The following CDH13 variants were observed in gnomAD, a reference collection of about 807,000 sequenced individuals.
CDH13 encodes the protein cadherin 13.
A neutral mutation model predicts 63.8 loss-of-function variants in CDH13; 24 were observed. That is an observed-to-expected ratio of 0.38 (90% CI 0.27 to 0.53). The LOEUF is 0.53. Ranked by LOEUF, CDH13 falls within the 20% of genes least tolerant of loss-of-function variation. The probability of loss-of-function intolerance (pLI) is 0.85; values close to 1 mark genes in which losing one functional copy is unlikely to be tolerated. For missense variants in CDH13, 1,049 were observed against 903.1 expected (o/e 1.16, Z -2.07); for synonymous variants, 503 against 355.3 (o/e 1.42, Z -4.67).
At chr16:82,737,807 T>A (rs932962253) in intron 1 of CDH13, among the ~76,000 whole-genome samples, 1 of 152,220 alleles carries the variant, frequency 6.6e-6, no homozygotes, top group Admixed American at 6.5e-5. Context: ...TACTGAGGTA[T>A]AATTGACCTA....
intron 1 of CDH13, among the ~76,000 whole-genome samples, chr16:82,806,225 C>T (rs1202842851): frequency 1.3e-5 from 2 of 152,156 alleles, no homozygotes; most frequent in Admixed American, 1.3e-4. Context: ...GAAGACATGC[C>T]CTTGTCCCTT....
chr16:83,181,214 A>C (rs2038339921), intron 4 of CDH13: 1 of 430,838 alleles, frequency 2.3e-6, no homozygotes, highest in Non-Finnish European at 4.1e-6. Context: ...ATTTAGTATT[A>C]GGGGACTTAA....
At chr16:83,041,937 G>C (rs1917363412) in intron 3 of CDH13, among the ~76,000 whole-genome samples, 1 of 152,168 alleles carries the variant, frequency 6.6e-6, no homozygotes, top group Admixed American at 6.5e-5. Flanking sequence ...GAAGTAGCCA[G>C]TAAGTTGCTA....
chr16:83,489,842 G>C (rs2073970144), intron 7 of CDH13, among the ~76,000 whole-genome samples: 1 of 152,130 alleles, frequency 6.6e-6, no homozygotes, highest in Non-Finnish European at 1.5e-5. Flanking sequence ...ATTTAAGAAA[G>C]TATCCCATTT....
intron 4 of CDH13, among the ~76,000 whole-genome samples, chr16:83,127,456 A>G (rs1340969455): frequency 2.0e-5 from 3 of 152,194 alleles, no homozygotes; most frequent in East Asian, 1.9e-4. Context: ...TTGGACGGGC[A>G]TGGTGGTTCA....
intron 1 of CDH13, among the ~76,000 whole-genome samples, chr16:82,761,051 T>G (rs1432397933): frequency 7.5e-6 from 1 of 132,532 alleles, no homozygotes; most frequent in Non-Finnish European, 1.6e-5. Context: ...TTTTTTGGAG[T>G]CTCACTCTGT....
At chr16:82,770,822 C>T (rs1027896709) in intron 1 of CDH13, among the ~76,000 whole-genome samples, 8 of 152,162 alleles carry the variant, frequency 5.3e-5, no homozygotes, top group African/African-American at 1.9e-4. Flanking sequence ...ATTCGCCTGC[C>T]TCAGCCTCCC....
At position 82,910,099 on chromosome 16, in the gene CDH13, C is replaced by T. The variant is rs539203292; in HGVS notation, c.157+51626C>T. Among the ~76,000 whole-genome samples, 28 of 152,308 alleles carry T rather than the reference C, an allele frequency of 1.8e-4. No homozygotes were observed. In the East Asian group the frequency reaches 3.9e-3, roughly 21 times the overall value. On this transcript the variant is annotated intron_variant, in intron 2 of 13. Transcript: ENST00000567109. ...GTGTTCAATTCTCCACCCCTCTTTACGCATCCCATCAAATGCCGATGTCTG... is the reference window on the plus strand; with the variant it reads ...GTGTTCAATTCTCCACCCCTCTTTATGCATCCCATCAAATGCCGATGTCTG...
rs555548476 is a variant in CDH13 at position 82,837,272 on chromosome 16, T to TG, written c.46-21086dup. The stretch of plus-strand genomic sequence containing the variant: ...GTCTGTAAAATAGTGGTGGTGAGCA[T>TG]GGGGAGAGCTTGCCTACCTCAGAGG... On this transcript the variant is annotated intron_variant, in intron 1 of 13. Coordinates refer to ENST00000567109, the MANE Select transcript of CDH13 (RefSeq NM_001257.5). 3.4e-4 allele frequency among the ~76,000 whole-genome samples: 51 copies of TG among 152,238 alleles called. No homozygotes were observed. The Middle Eastern group carries it at 0.017, about 51-fold the overall frequency.
At chr16:83,732,748 A>T (rs1911162525) in intron 10 of CDH13, among the ~76,000 whole-genome samples, 1 of 152,222 alleles carries the variant, frequency 6.6e-6, no homozygotes, top group Non-Finnish European at 1.5e-5. Flanking sequence ...GACACCCCTG[A>T]CCTCACCAGG....
chr16:82,649,697 A>G (rs947437953), intron 1 of CDH13, among the ~76,000 whole-genome samples: 1 of 152,140 alleles, frequency 6.6e-6, no homozygotes, highest in Non-Finnish European at 1.5e-5. Context: ...GAGAAAAATG[A>G]TGGGGAAGGG....
At chr16:82,797,127 T>C (rs1318905180) in intron 1 of CDH13, among the ~76,000 whole-genome samples, 3 of 152,236 alleles carry the variant, frequency 2.0e-5, no homozygotes, top group Non-Finnish European at 4.4e-5. Flanking sequence ...AATGAGGTTC[T>C]AGTTTTTATA....
intron 6 of CDH13, among the ~76,000 whole-genome samples, chr16:83,473,970 G>A (rs1400446764): frequency 6.6e-6 from 1 of 152,098 alleles, no homozygotes; most frequent in Non-Finnish European, 1.5e-5. Context: ...CCTCATAAAG[G>A]TTAGCTCCCC....
At chr16:82,938,396 G>T (rs1290615755) in intron 2 of CDH13, among the ~76,000 whole-genome samples, 1 of 152,214 alleles carries the variant, frequency 6.6e-6, no homozygotes, top group African/African-American at 2.4e-5. Flanking sequence ...TTTTAGATTA[G>T]CCCTCTCAAA....
chr16:83,209,547 G>A (rs369785712), intron 4 of CDH13, among the ~76,000 whole-genome samples: 2 of 152,204 alleles, frequency 1.3e-5, no homozygotes, highest in South Asian at 2.1e-4. Context: ...AGGTTTGTAT[G>A]ACAGACCTTA....
At chr16:82,858,078 C>T (rs764223530) in intron 1 of CDH13, among the ~76,000 whole-genome samples, 11 of 152,184 alleles carry the variant, frequency 7.2e-5, no homozygotes, top group Non-Finnish European at 1.0e-4. Context: ...AAATTTCACA[C>T]ATGGAAACCA....
In CDH13 at chr16:83,444,322, A is replaced by G. The variant is rs375525210; in HGVS notation, c.782-42155A>G. ...AGCACTTAAGCCCTGAGTGTTCATT[A>G]TCTTATTTAATCTTCAGCACCATCA... On this transcript the variant is annotated intron_variant, in intron 6 of 13. Transcript: ENST00000567109. Among the ~76,000 whole-genome samples, 6 of 152,178 alleles carry G rather than the reference A, an allele frequency of 3.9e-5. No homozygotes were observed. In the East Asian group the frequency reaches 7.7e-4, roughly 20 times the overall value.
At chr16:83,390,833 G>A (rs1003513524) in intron 6 of CDH13, among the ~76,000 whole-genome samples, 3 of 152,160 alleles carry the variant, frequency 2.0e-5, no homozygotes, top group African/African-American at 7.2e-5. Flanking sequence ...AGAAGGAAGA[G>A]CCTCAACTCA....
chr16:82,824,743 G>A (rs1344710676), intron 1 of CDH13: 3 of 152,158 alleles, frequency 2.0e-5, no homozygotes, highest in Non-Finnish European at 4.4e-5. Flanking sequence ...CAGGAGGCTG[G>A]ATGAATTAAA....
Sources: allele counts gnomAD v4.1 joint callset (sites outside exome capture counted in the v4.1 genomes callset), GRCh38; gene constraint gnomAD v4.1.1; transcripts MANE v1.5; gene names NCBI Gene and HGNC (gene_info 2026-07-23, HGNC 2026-07-21).